LGALS14: variants seen among roughly 807,000 people sequenced by gnomAD.
LGALS14 encodes placental protein 13-like.
In LGALS14, 14 loss-of-function variants were observed where a neutral mutation model predicts 14.6. The observed-to-expected ratio is 0.96, with a 90% CI of 0.64 to 1.50. The LOEUF is 1.50. Among genes scored for constraint, LGALS14 ranks in the 40% most tolerant of loss-of-function variants. The pLI is 0.00. For missense variants in LGALS14, 180 were observed against 172.0 expected (o/e 1.05, Z -0.26); for synonymous variants, 57 against 63.9 (o/e 0.89, Z 0.51).
intron 3 of LGALS14, 95 bp downstream of exon 3, chr19:39,707,483 C>A: frequency 1.1e-6 from 1 of 937,814 alleles, no homozygotes; most frequent in Non-Finnish European, 1.7e-6. Flanking sequence ...CCCTTGGGGC[C>A]CATCTTCCAT....
Position 39,709,349 on chromosome 19 carries a change from C to T in LGALS14, c.*36C>T, listed in dbSNP as rs759641669. 6 of 1,162,316 alleles carry T rather than the reference C, an allele frequency of 5.2e-6. No individual in the cohort carries two copies. The highest frequency in any genetic ancestry group is 7.8e-6 in the Non-Finnish European group (6 of 769,730). The allele number at this position is 1,162,316 out of a possible 1,614,324, so 72.0% of individuals were successfully genotyped here. The stretch of plus-strand genomic sequence containing the variant: ...CAGACTCCTCATTGTTGAGGAATCC[C>T]TCTTTCTACCTGACCATGGGATTCC... On this transcript the variant is annotated 3_prime_UTR_variant, in exon 4 of 4. Coordinates refer to ENST00000392052, the MANE Select transcript of LGALS14 (RefSeq NM_020129.3).
chr19:39,705,913 CCT>C (rs766648162), intron 1 of LGALS14: 1 of 1,613,568 alleles, frequency 6.2e-7, no homozygotes, highest in African/African-American at 1.3e-5. Context: ...CAGTTATGTC[CCT>C]GACCCACAGG....
intron 3 of LGALS14, among the ~76,000 whole-genome samples, chr19:39,708,202 T>C (rs765434431): frequency 4.6e-5 from 7 of 152,216 alleles, no homozygotes; most frequent in Non-Finnish European, 8.8e-5. Context: ...GCTCTACACA[T>C]TACACTTTAG....
At chr19:39,705,762 T>C in intron 1 of LGALS14, 1 of 877,770 alleles carries the variant, frequency 1.1e-6, no homozygotes, top group Non-Finnish European at 1.7e-6. Context: ...TGAGGATCAC[T>C]GCAGTCCAGG....
chr19:39,705,721 C>A, intron 1 of LGALS14: 1 of 576,120 alleles, frequency 1.7e-6, no homozygotes, highest in Non-Finnish European at 3.0e-6. Flanking sequence ...AGACACCTTT[C>A]ACCCCAGCTA....
At chr19:39,706,524 C>A in intron 1 of LGALS14, 73 bp from the exon 2 acceptor site, 1 of 1,097,980 alleles carries the variant, frequency 9.1e-7, no homozygotes, top group Non-Finnish European at 1.4e-6. Flanking sequence ...ACCTCCTGCA[C>A]CATGGGAATC....
At position 39,704,494 on chromosome 19, in the gene LGALS14, C is replaced by T. The variant is rs746489664; in HGVS notation, c.-35C>T. 1 of 1,612,088 alleles carries T rather than the reference C, an allele frequency of 6.2e-7. No homozygotes were observed. The highest frequency in any genetic ancestry group is 1.7e-5 in the Admixed American group (1 of 59,980). On this transcript the variant is annotated 5_prime_UTR_variant, in exon 1 of 4. Transcript: ENST00000392052. ...TCAGAGATTCACACAGAAGACTGGA[C>T]ACAATTCCGAAGAGCTGCCCAGAAG...
chr19:39,707,695 A>G lies in LGALS14; in HGVS notation c.303+307A>G, dbSNP rs112762725. 1.1e-3 allele frequency among the ~76,000 whole-genome samples: 165 copies of G among 152,354 alleles called. 3 individuals carry two copies. Among genetic ancestry groups the G allele is most frequent in the African/African-American group, 3.8e-3 (157 of 41,582 alleles). ...TTTCATTTAGCTGAATGTATACTAT[A>G]TACTTAAGAAAAAGGTGGTTTTAAT... On this transcript the variant is annotated intron_variant, in intron 3 of 3. Transcript: ENST00000392052.
intron 1 of LGALS14, among the ~76,000 whole-genome samples, chr19:39,705,459 G>T (rs1973699653): frequency 6.6e-6 from 1 of 152,136 alleles, no homozygotes; most frequent in South Asian, 2.1e-4. Context: ...AATATCCACT[G>T]TAAGCTCTGT....
intron 3 of LGALS14, among the ~76,000 whole-genome samples, chr19:39,707,739 C>T (rs1312533934): frequency 6.6e-6 from 1 of 152,096 alleles, no homozygotes; most frequent in African/African-American, 2.4e-5. Flanking sequence ...AATTATGTTT[C>T]AATTTTGGGC....
At chr19:39,708,108 C>G (rs1017360681) in intron 3 of LGALS14, among the ~76,000 whole-genome samples, 1 of 152,140 alleles carries the variant, frequency 6.6e-6, no homozygotes, top group Non-Finnish European at 1.5e-5. Flanking sequence ...CCGTGCCCAG[C>G]CTTTCAGAGG....
chr19:39,708,333 T>C (rs951726919), intron 3 of LGALS14, among the ~76,000 whole-genome samples: 1 of 152,202 alleles, frequency 6.6e-6, no homozygotes, highest in Non-Finnish European at 1.5e-5. Flanking sequence ...ATTATTGAAC[T>C]TGACCCTTTT....
chr19:39,705,830 G>GCA, intron 1 of LGALS14: 1 of 1,578,614 alleles, frequency 6.3e-7, no homozygotes, highest in East Asian at 2.3e-5. Flanking sequence ...GGGTGACAGA[G>GCA]CAAGACCCTA....
At chr19:39,708,339 C>T (rs1460400275) in intron 3 of LGALS14, among the ~76,000 whole-genome samples, 1 of 152,092 alleles carries the variant, frequency 6.6e-6, no homozygotes, top group Non-Finnish European at 1.5e-5. Flanking sequence ...GAACTTGACC[C>T]TTTTTTGGGC....
chr19:39,706,540 C>A, intron 1 of LGALS14, 57 bp from the exon 2 acceptor site: 1 of 1,262,830 alleles, frequency 7.9e-7, no homozygotes, highest in Non-Finnish European at 1.2e-6. Context: ...GAATCTGTTA[C>A]ATAGGGGAGG....
rs1157699102 is a variant in LGALS14, at chr19:39,706,684, C to T, written c.92+11C>T. On this transcript the variant is annotated intron_variant, in intron 2 of 3. Coordinates refer to ENST00000392052, the MANE Select transcript of LGALS14 (RefSeq NM_020129.3). The stretch of plus-strand genomic sequence containing the variant: ...GATCCTCACTTTTGTGTGAGTACTC[C>T]ATGGTCCAATGGAGGGGGTGGAGGA... 14 of 1,601,498 alleles carry T rather than the reference C, an allele frequency of 8.7e-6. No homozygotes were observed. Among genetic ancestry groups the T allele is most frequent in the Non-Finnish European group, 1.2e-5 (14 of 1,168,524 alleles).
At chr19:39,706,791 TGCAAGTGCAG>T (rs1973720858) in intron 2 of LGALS14, 118 bp downstream of exon 2, 1 of 875,058 alleles carries the variant, frequency 1.1e-6, no homozygotes, top group Admixed American at 1.8e-5. Context: ...GAAGGCCTCA[TGCAAGTGCAG>T]GCCCTGGAGA....
chr19:39,708,148 T>G (rs1057403285), intron 3 of LGALS14, among the ~76,000 whole-genome samples: 1 of 152,190 alleles, frequency 6.6e-6, no homozygotes, highest in African/African-American at 2.4e-5. Context: ...CATGTAGATA[T>G]GTCTATGATT....
intron 1 of LGALS14, chr19:39,705,645 C>A: frequency 3.6e-6 from 1 of 280,074 alleles, no homozygotes; most frequent in Non-Finnish European, 6.8e-6. Context: ...AAATTTGAGA[C>A]CGGTCTAGGC....
Sources: allele counts gnomAD v4.1 joint callset (sites outside exome capture counted in the v4.1 genomes callset), GRCh38; gene constraint gnomAD v4.1.1; transcripts MANE v1.5; gene names NCBI Gene and HGNC (gene_info 2026-07-23, HGNC 2026-07-21).